HS3ST4: variants seen among roughly 807,000 people sequenced by gnomAD.
HS3ST4 encodes heparan sulfate-glucosamine 3-sulfotransferase 4.
In HS3ST4, 17 loss-of-function variants were observed where a neutral mutation model predicts 29.2. The observed-to-expected ratio is 0.58, with a 90% CI of 0.40 to 0.87. HS3ST4 has a LOEUF of 0.87. HS3ST4 is among the 40% of genes least tolerant of loss of function. HS3ST4 has a pLI of 0.00. For synonymous variants in HS3ST4, 314 were observed against 285.7 expected (o/e 1.10, Z -1.00); for missense variants, 627 against 634.5 (o/e 0.99, Z 0.13).
At chr16:25,945,105 C>G (rs1421129448) in intron 1 of HS3ST4, among the ~76,000 whole-genome samples, 1 of 152,186 alleles carries the variant, frequency 6.6e-6, no homozygotes, top group Non-Finnish European at 1.5e-5. Flanking sequence ...CCAAAGATGA[C>G]TGCTGTTAAC....
At chr16:25,984,062 C>G (rs1969037049) in intron 1 of HS3ST4, among the ~76,000 whole-genome samples, 1 of 152,186 alleles carries the variant, frequency 6.6e-6, no homozygotes, top group Non-Finnish European at 1.5e-5. Flanking sequence ...TGTGTCATTT[C>G]TTCCTGTTGG....
At chr16:25,840,996 TTATTTATTTA>T (rs1967406697) in intron 1 of HS3ST4, among the ~76,000 whole-genome samples, 1 of 146,168 alleles carries the variant, frequency 6.8e-6, no homozygotes. Flanking sequence ...ATTTATTTAT[TTATTTATTTA>T]TTTATTTATT....
intron 1 of HS3ST4, among the ~76,000 whole-genome samples, chr16:26,071,350 C>T (rs1898602257): frequency 6.6e-6 from 1 of 152,028 alleles, no homozygotes; most frequent in Non-Finnish European, 1.5e-5. Flanking sequence ...GTGAAAAGTG[C>T]TGTTTTAGGA....
At chr16:25,725,085 T>C (rs1186555820) in intron 1 of HS3ST4, among the ~76,000 whole-genome samples, 6 of 149,132 alleles carry the variant, frequency 4.0e-5, no homozygotes. Flanking sequence ...GTGTATGTTA[T>C]CACACCATGA....
intron 1 of HS3ST4, among the ~76,000 whole-genome samples, chr16:26,110,236 A>G (rs2141802658): frequency 6.6e-6 from 1 of 152,282 alleles, no homozygotes; most frequent in African/African-American, 2.4e-5. Context: ...CCTTCTTTTT[A>G]AAGAATGAAT....
At chr16:25,702,075 C>A (rs908596129) in intron 1 of HS3ST4, among the ~76,000 whole-genome samples, 1 of 152,212 alleles carries the variant, frequency 6.6e-6, no homozygotes, top group Non-Finnish European at 1.5e-5. Context: ...AATCCAGAAC[C>A]AGCCTGAAGT....
At chr16:25,928,314 A>AT (rs1968429324) in intron 1 of HS3ST4, among the ~76,000 whole-genome samples, 1 of 151,888 alleles carries the variant, frequency 6.6e-6, no homozygotes, top group African/African-American at 2.4e-5. Flanking sequence ...ACAGTGAGCT[A>AT]TGATTGCACC....
intron 1 of HS3ST4, among the ~76,000 whole-genome samples, chr16:26,021,011 A>C (rs1316843034): frequency 6.6e-6 from 1 of 152,226 alleles, no homozygotes; most frequent in African/African-American, 2.4e-5. Context: ...GGCCCTTTCC[A>C]CAGTTCCTGT....
intron 1 of HS3ST4, among the ~76,000 whole-genome samples, chr16:26,051,308 G>GC (rs1366316126): frequency 2.6e-5 from 4 of 152,032 alleles, no homozygotes; most frequent in Admixed American, 2.6e-4. Flanking sequence ...ACTGACAACT[G>GC]CAAGAGCCAT....
intron 1 of HS3ST4, among the ~76,000 whole-genome samples, chr16:25,798,639 T>C (rs533326041): frequency 6.6e-6 from 1 of 152,230 alleles, no homozygotes; most frequent in South Asian, 2.1e-4. Context: ...TGAACAATAA[T>C]AAAATCTAGC....
intron 1 of HS3ST4, among the ~76,000 whole-genome samples, chr16:25,933,118 T>C (rs1228800911): frequency 6.6e-6 from 1 of 152,164 alleles, no homozygotes; most frequent in Non-Finnish European, 1.5e-5. Context: ...TCTGTTTCCT[T>C]CTGAAAAGCT....
intron 1 of HS3ST4, among the ~76,000 whole-genome samples, chr16:25,698,999 G>A (rs1404392170): frequency 1.3e-5 from 2 of 152,204 alleles, no homozygotes; most frequent in Non-Finnish European, 2.9e-5. Context: ...CACTGTGTAA[G>A]AGAAACTGGA....
At chr16:26,061,258 C>G (rs1337577579) in intron 1 of HS3ST4, among the ~76,000 whole-genome samples, 1 of 152,236 alleles carries the variant, frequency 6.6e-6, no homozygotes, top group African/African-American at 2.4e-5. Flanking sequence ...TCAAAAAGCA[C>G]TAATAAATTA....
rs181324369 is a variant in HS3ST4 at position 25,981,585 on chromosome 16, T to G, written c.735-154027T>G. Among the ~76,000 whole-genome samples the G allele has an allele frequency of 4.7e-3, 706 of 150,054 alleles. 9 individuals carry two copies. The highest frequency in any genetic ancestry group is 0.016 in the African/African-American group (671 of 40,810). On this transcript the variant is annotated intron_variant, in intron 1 of 1. Transcript: ENST00000331351. The stretch of plus-strand genomic sequence containing the variant: ...CCTGGAACAGTATACCTTTCCATCA[T>G]ACTGCTGATGTAATGGTGGAGTTCT...
chr16:25,964,875 G>T (rs3923415), intron 1 of HS3ST4, among the ~76,000 whole-genome samples: 44,335 of 151,716 alleles, frequency 0.29, 6,849 homozygotes, highest in African/African-American at 0.39. Context: ...AGTGATGTTC[G>T]AGTGTATTAT....
At chr16:26,073,979 A>G (rs547662406) in intron 1 of HS3ST4, among the ~76,000 whole-genome samples, 1 of 152,180 alleles carries the variant, frequency 6.6e-6, no homozygotes, top group Non-Finnish European at 1.5e-5. Flanking sequence ...AATTATAGCA[A>G]TTGGTAGAGA....
intron 1 of HS3ST4, among the ~76,000 whole-genome samples, chr16:25,810,016 A>G (rs1483069132): frequency 2.6e-5 from 4 of 151,880 alleles, no homozygotes; most frequent in Non-Finnish European, 5.9e-5. Flanking sequence ...TGCTTTGAGT[A>G]TAGATTGTTC....
intron 1 of HS3ST4, among the ~76,000 whole-genome samples, chr16:26,012,258 A>G (rs1969317718): frequency 6.6e-6 from 1 of 152,222 alleles, no homozygotes; most frequent in African/African-American, 2.4e-5. Flanking sequence ...CTTCCTGTCA[A>G]AGTGTATCAG....
chr16:25,862,162 CATATTTATTTAT>C, intron 1 of HS3ST4, among the ~76,000 whole-genome samples: 2 of 101,698 alleles, frequency 2.0e-5, no homozygotes, highest in East Asian at 5.6e-4. Context: ...TATTTATTTA[CATATTTATTTAT>C]TTATTTATTT....
Sources: gnomAD v4.1 joint callset for allele counts (sites outside exome capture counted in the v4.1 genomes callset) on GRCh38, gnomAD v4.1.1 for gene constraint, MANE v1.5 for transcripts, NCBI Gene and HGNC (gene_info 2026-07-23, HGNC 2026-07-21) for gene names.